Variants in CDC25B observed in about 807,000 individuals in gnomAD.
CDC25B encodes the protein M-phase inducer phosphatase 2.
In CDC25B, 33 loss-of-function variants were observed where a neutral mutation model predicts 69.8. The ratio of observed to expected loss-of-function variants is 0.47; its 90% CI spans 0.36 to 0.63. CDC25B has a LOEUF of 0.63. CDC25B is among the 30% of genes least tolerant of loss of function. CDC25B has a pLI of 0.00. For missense variants in CDC25B, 727 were observed against 809.1 expected (o/e 0.90, Z 1.23); for synonymous variants, 341 against 314.6 (o/e 1.08, Z -0.89).
chr20:3,801,835 G>A, intron 9 of CDC25B, 33 bp downstream of exon 9: 1 of 1,585,334 alleles, frequency 6.3e-7, no homozygotes. Context: ...TCCGAATTTG[G>A]AGGCATGGGG....
chr20:3,801,885 G>T (rs751242756), intron 9 of CDC25B, 39 bp from the exon 10 acceptor site: 7 of 1,590,544 alleles, frequency 4.4e-6, no homozygotes, highest in Non-Finnish European at 6.0e-6. Flanking sequence ...ATGGGACGGG[G>T]CCTGGGCACC....
chr20:3,794,263 G>A (rs1174416783), upstream of CDC25B, among the ~76,000 whole-genome samples: 1 of 151,148 alleles, frequency 6.6e-6, no homozygotes, highest in African/African-American at 2.4e-5. Context: ...AGCACCTGTT[G>A]TTTCCTGACT....
Position 3,796,712 on chromosome 20 carries a change from G to C in CDC25B, c.181G>C (p.Asp61His). The stretch of plus-strand genomic sequence containing the variant: ...CACCACCCTCACCCAGACCATGCAC[G>C]ACCTCGCCGGGCTCGGCAGGTAGGA... Reference protein sequence around the residue: ...PVTTLTQTMHDLAGLGSETPK... With the variant: ...PVTTLTQTMHHLAGLGSETPK... Residue 61 changes from aspartate (D) to histidine (H), a missense_variant, in exon 1 of 16, where the codon GAC becomes CAC. Transcript: ENST00000245960. The C allele has an allele frequency of 6.4e-7, 1 of 1,569,082 alleles. No individual in the cohort carries two copies. Among genetic ancestry groups the C allele is most frequent in the Non-Finnish European group, 8.6e-7 (1 of 1,166,428 alleles).
At position 3,797,630 on chromosome 20, in the gene CDC25B, C is replaced by G; in HGVS notation, c.209C>G (p.Pro70Arg). 6.2e-7 allele frequency: 1 copy of G among 1,614,104 alleles called. No individual in the cohort carries two copies. Among genetic ancestry groups the G allele is most frequent in the Non-Finnish European group, 8.5e-7 (1 of 1,180,014 alleles). The change falls in exon 2 of 16, where the codon CCA (proline) becomes CGA (arginine). Residue 70 changes from proline (P) to arginine (R), a missense_variant. This residue lies in a region of CDC25B where 368 missense variants were observed against 345.6 expected (regional missense o/e 1.06). Coordinates refer to ENST00000245960, the MANE Select transcript of CDC25B (RefSeq NM_021873.4). ...CCCTGTTCCCTTCCCAGCGAAACCC[C>G]AAAGAGTCAGGTAGGGACCCTGCTC... ...HDLAGLGSET[P>R]KSQVGTLLFR...
At chr20:3,796,303 T>C, upstream of CDC25B, 1 of 1,362,414 alleles carries the variant, frequency 7.3e-7, no homozygotes, top group Non-Finnish European at 9.4e-7. Flanking sequence ...AAGTGGCAGC[T>C]GCAACTAGAG....
chr20:3,796,630 G>A lies in CDC25B; in HGVS notation c.99G>A (p.Leu33=). The A allele has an allele frequency of 2.1e-6, 3 of 1,462,364 alleles. No individual in the cohort carries two copies. The highest frequency in any genetic ancestry group is 2.7e-6 in the Non-Finnish European group (3 of 1,111,360). The allele number at this position is 1,462,364 out of a possible 1,614,324, so 90.6% of individuals were successfully genotyped here. ...AQRPGHLPGL[L]LGSHGLLGSP... ...GTCCGGGCCACCTCCCGGGCCTCCT[G>A]CTGGGATCTCATGGCCTCCTGGGGT... Residue 33 remains leucine (L), a synonymous_variant, in exon 1 of 16, where the codon CTG becomes CTA. Transcript: ENST00000245960.
Position 3,797,737 on chromosome 20 carries a change from T to G in CDC25B, c.316T>G (p.Ser106Ala). The change falls in exon 2 of 16, where the codon TCT (serine) becomes GCT (alanine). Residue 106 changes from serine to alanine, a missense_variant. Ser to Ala is a moderately conservative substitution (Grantham distance 99). Transcript: ENST00000245960. ...ESSLSSESSE[S>A]SDAGLCMDSP... ...CTCCCTGTCGTCTGAATCCTCCGAA[T>G]CTTCTGATGCAGGTGAGGCCCAGGG... The G allele has an allele frequency of 6.2e-7, 1 of 1,614,048 alleles. No homozygotes were observed. Among genetic ancestry groups the G allele is most frequent in the Non-Finnish European group, 8.5e-7 (1 of 1,180,028 alleles).
chr20:3,788,029 C>T (rs193149764), intron 1 of CDC25B, among the ~76,000 whole-genome samples: 162 of 151,968 alleles, frequency 1.1e-3, no homozygotes, highest in African/African-American at 3.7e-3. Context: ...CCCAGCTATT[C>T]GGGAGGCTGA....
At chr20:3,798,289 A>G (rs972858712) in intron 2 of CDC25B, 123 bp from the exon 3 acceptor site, 1 of 575,188 alleles carries the variant, frequency 1.7e-6, no homozygotes, top group Non-Finnish European at 2.8e-6. Context: ...TCATTTTCTA[A>G]TGTGTCAAAG....
chr20:3,796,654 G>T lies in CDC25B; in HGVS notation c.123G>T (p.Gly41=). The T allele has an allele frequency of 6.7e-7, 1 of 1,496,274 alleles. No homozygotes were observed. Among genetic ancestry groups the T allele is most frequent in the Non-Finnish European group, 8.8e-7 (1 of 1,131,474 alleles). The allele number at this position is 1,496,274 out of a possible 1,614,324, so 92.7% of individuals were successfully genotyped here. A position where few individuals can be genotyped will look rare whatever the true frequency, so the allele number is the denominator to read the frequency against. The stretch of plus-strand genomic sequence containing the variant: ...TGCTGGGATCTCATGGCCTCCTGGG[G>T]TCCCCGGTGCGGGCGGCCGCTTCCT... The part of the protein sequence containing the change: ...GLLLGSHGLL[G]SPVRAAASSP... The change falls in exon 1 of 16, where the codon GGG becomes GGT. Residue 41 remains glycine (G), a synonymous_variant. Coordinates refer to ENST00000245960, the MANE Select transcript of CDC25B (RefSeq NM_021873.4).
chr20:3,799,517 T>TGTGTGTGTGTGCGC (rs1555774219), intron 3 of CDC25B, among the ~76,000 whole-genome samples: 12 of 53,100 alleles, frequency 2.3e-4, no homozygotes, highest in Admixed American at 2.2e-3. Flanking sequence ...TGTGTGTGTG[T>TGTGTGTGTGTGCGC]GTGTGTGTGC....
chr20:3,801,831 T>C, intron 9 of CDC25B, 29 bp downstream of exon 9: 2 of 1,586,344 alleles, frequency 1.3e-6, no homozygotes, highest in Non-Finnish European at 1.7e-6. Context: ...CCCCTCCGAA[T>C]TTGGAGGCAT....
At position 3,800,386 on chromosome 20, in the gene CDC25B, C is replaced by T. The variant is rs561864604; in HGVS notation, c.422+57C>T. 8 of 1,612,160 alleles carry T rather than the reference C, an allele frequency of 5.0e-6. No individual in the cohort carries two copies. The South Asian group carries it at 7.7e-5, about 15-fold the overall frequency. ...CAAGCTTTCCCTTAGGACAGGGCTC[C>T]AGAAGGGCATGCTGCATGCTCTTGG... On this transcript the variant is annotated intron_variant, in intron 4 of 15. Transcript: ENST00000245960.
intron 3 of CDC25B, among the ~76,000 whole-genome samples, chr20:3,799,513 T>C (rs1341019946): frequency 6.6e-4 from 75 of 113,950 alleles, no homozygotes; most frequent in African/African-American, 2.2e-3. Context: ...TGTGTGTGTG[T>C]GTGTGTGTGT....
At chr20:3,800,612 G>A in intron 5 of CDC25B, 114 bp downstream of exon 5, 1 of 1,583,336 alleles carries the variant, frequency 6.3e-7, no homozygotes, top group African/African-American at 1.3e-5. Flanking sequence ...GCAGGCTGTA[G>A]GAGATGGGGT....
At chr20:3,794,984 C>G (rs1379473684), upstream of CDC25B, among the ~76,000 whole-genome samples, 2 of 152,226 alleles carry the variant, frequency 1.3e-5, no homozygotes, top group African/African-American at 4.8e-5. Flanking sequence ...AAGCTGCTCA[C>G]TACCCACCGG....
chr20:3,805,188 G>A lies in CDC25B; in HGVS notation c.*227G>A. 3.5e-6 allele frequency: 2 copies of A among 570,564 alleles called. No homozygotes were observed. Among genetic ancestry groups the A allele is most frequent in the Non-Finnish European group, 6.3e-6 (2 of 319,868 alleles). 35.3% of individuals were successfully genotyped at this position (570,564 alleles called of 1,614,324 possible). Reference sequence around the variant, plus strand: ...TGGAAGAGCCCAGTCTGTTGAGTTAGTTAAGTTGGGTTAATACCAGCTTAA... The same window carrying A: ...TGGAAGAGCCCAGTCTGTTGAGTTAATTAAGTTGGGTTAATACCAGCTTAA... On this transcript the variant is annotated 3_prime_UTR_variant, in exon 16 of 16. Transcript: ENST00000245960.
upstream of CDC25B, among the ~76,000 whole-genome samples, chr20:3,793,331 C>T (rs1369882825): frequency 6.6e-6 from 1 of 152,002 alleles, no homozygotes; most frequent in South Asian, 2.1e-4. Context: ...GTGGCGGGCA[C>T]CTGTAATCCC....
chr20:3,795,824 C>T, upstream of CDC25B: 1 of 984,682 alleles, frequency 1.0e-6, no homozygotes, highest in African/African-American at 1.7e-5. Context: ...TGGCCCACCG[C>T]CTGCCCAACC....
Sources: allele counts gnomAD v4.1 joint callset (sites outside exome capture counted in the v4.1 genomes callset), GRCh38; gene constraint gnomAD v4.1.1; regional missense constraint gnomAD v4.1.1; transcripts MANE v1.5; gene names NCBI Gene and HGNC (gene_info 2026-07-23, HGNC 2026-07-21).